NEURL1B: variants seen among roughly 807,000 people sequenced by gnomAD.
NEURL1B encodes the protein neuralized E3 ubiquitin protein ligase 1B.
In NEURL1B, 13 loss-of-function variants were observed where a neutral mutation model predicts 37.4. The observed-to-expected ratio is 0.35, with a 90% CI of 0.23 to 0.55. NEURL1B has a LOEUF of 0.55. Ranked by LOEUF, NEURL1B falls within the 20% of genes least tolerant of loss-of-function variation. NEURL1B has a pLI of 0.89. For synonymous variants in NEURL1B, 432 were observed against 426.6 expected, an observed-to-expected ratio of 1.01 and a Z score of -0.16; for missense variants, 790 against 879.2, an observed-to-expected ratio of 0.90 and a Z score of 1.28.
At chr5:172,649,299 T>C (rs1009782631) in intron 1 of NEURL1B, among the ~76,000 whole-genome samples, 1 of 149,074 alleles carries the variant, frequency 6.7e-6, no homozygotes, top group Non-Finnish European at 1.5e-5. Context: ...TTCCAGGGAA[T>C]GCCTTCCAGC....
At chr5:172,678,877 T>G (rs779109564) in intron 2 of NEURL1B, among the ~76,000 whole-genome samples, 5 of 152,204 alleles carry the variant, frequency 3.3e-5, no homozygotes, top group African/African-American at 4.8e-5. Context: ...ATTTGAGACA[T>G]ACATTTTGCT....
At chr5:172,653,475 A>G (rs1031230471) in intron 1 of NEURL1B, among the ~76,000 whole-genome samples, 1 of 152,218 alleles carries the variant, frequency 6.6e-6, no homozygotes, top group African/African-American at 2.4e-5. Flanking sequence ...ACTCTTTTTA[A>G]CCTTTTATAA....
intron 1 of NEURL1B, among the ~76,000 whole-genome samples, chr5:172,646,641 A>G (rs1757565163): frequency 6.6e-6 from 1 of 152,196 alleles, no homozygotes; most frequent in Non-Finnish European, 1.5e-5. Flanking sequence ...TTAAGGACTC[A>G]AGTTCTAGCA....
In NEURL1B at chr5:172,689,400, T is replaced by G. The variant is rs1758584492; in HGVS notation, c.*2475T>G. Reference sequence around the variant, plus strand: ...GTGAATCCTGTGCGGCAGGTCTTATTGCCATAATAAGTCACATCAAAGACA... The same window carrying G: ...GTGAATCCTGTGCGGCAGGTCTTATGGCCATAATAAGTCACATCAAAGACA... On this transcript the variant is annotated 3_prime_UTR_variant, in exon 5 of 5. Coordinates refer to ENST00000369800, the MANE Select transcript of NEURL1B (RefSeq NM_001142651.3). 1 of 152,182 alleles carries G rather than the reference T, an allele frequency of 6.6e-6. No individual in the cohort carries two copies. 9.4% of individuals were successfully genotyped at this position (152,182 alleles called of 1,614,324 possible).
intron 1 of NEURL1B, among the ~76,000 whole-genome samples, chr5:172,650,891 G>A (rs1483670960): frequency 6.6e-6 from 1 of 152,220 alleles, no homozygotes; most frequent in East Asian, 1.9e-4. Flanking sequence ...TTTGGCGGGA[G>A]TCAGGGCAGA....
chr5:172,646,109 C>T (rs1278688692), intron 1 of NEURL1B, among the ~76,000 whole-genome samples: 3 of 152,144 alleles, frequency 2.0e-5, no homozygotes, highest in Admixed American at 6.5e-5. Context: ...CAGCGGGAGC[C>T]GTTGAGAGTT....
chr5:172,668,498 C>G (rs999890857), intron 1 of NEURL1B, among the ~76,000 whole-genome samples: 1 of 152,178 alleles, frequency 6.6e-6, no homozygotes, highest in African/African-American at 2.4e-5. Context: ...CATTGCCTCT[C>G]CCTCTTCATT....
At position 172,667,693 on chromosome 5, in the gene NEURL1B, T is replaced by C. The variant is rs1357492363; in HGVS notation, c.32-2092T>C. On this transcript the variant is annotated intron_variant, in intron 1 of 4. Coordinates refer to ENST00000369800, the MANE Select transcript of NEURL1B (RefSeq NM_001142651.3). ...CCCTGGAATAATCCAGTAGCTTTGC[T>C]GGCCCCAGCATCCTTGCCACCGCCT... 2.0e-5 allele frequency among the ~76,000 whole-genome samples: 3 copies of C among 152,152 alleles called. No homozygotes were observed. In the East Asian group the frequency reaches 5.8e-4, roughly 29 times the overall value.
At chr5:172,650,098 T>C (rs1372885164) in intron 1 of NEURL1B, among the ~76,000 whole-genome samples, 1 of 152,232 alleles carries the variant, frequency 6.6e-6, no homozygotes, top group Admixed American at 6.5e-5. Flanking sequence ...TCCTCAACAT[T>C]ACACATTGTT....
intron 1 of NEURL1B, among the ~76,000 whole-genome samples, chr5:172,643,038 G>A (rs1757495794): frequency 6.6e-6 from 1 of 152,326 alleles, no homozygotes; most frequent in Non-Finnish European, 1.5e-5. Flanking sequence ...CAGCCCTGGG[G>A]TGCGTAAAGG....
intron 1 of NEURL1B, among the ~76,000 whole-genome samples, chr5:172,663,637 C>A (rs573930299): frequency 6.6e-6 from 1 of 151,640 alleles, no homozygotes; most frequent in South Asian, 2.1e-4. Context: ...TCACAGAAAC[C>A]GCACCTCCCC....
chr5:172,680,770 T>G (rs1476650472), intron 2 of NEURL1B, among the ~76,000 whole-genome samples: 8 of 152,218 alleles, frequency 5.3e-5, no homozygotes, highest in African/African-American at 1.9e-4. Context: ...TGTGTTCAGT[T>G]TTGAATGTTT....
At chr5:172,660,704 G>T (rs1266914694) in intron 1 of NEURL1B, among the ~76,000 whole-genome samples, 1 of 152,030 alleles carries the variant, frequency 6.6e-6, no homozygotes, top group Admixed American at 6.6e-5. Flanking sequence ...GCAGTGGTGC[G>T]ATCTCAGCAC....
chr5:172,686,977 C>T lies in NEURL1B; in HGVS notation c.*52C>T, dbSNP rs1758516207. 1.3e-6 allele frequency: 2 copies of T among 1,512,488 alleles called. No individual in the cohort carries two copies. Among genetic ancestry groups the T allele is most frequent in the Non-Finnish European group, 1.8e-6 (2 of 1,121,836 alleles). The allele number at this position is 1,512,488 out of a possible 1,614,324, so 93.7% of individuals were successfully genotyped here. Reference sequence around the variant, plus strand: ...GTGCAAGGTCACCTTTCTGAAGGCCCCCTGGGCTGGGCAACCACATGGCTG... The same window carrying T: ...GTGCAAGGTCACCTTTCTGAAGGCCTCCTGGGCTGGGCAACCACATGGCTG... On this transcript the variant is annotated 3_prime_UTR_variant, in exon 5 of 5. Coordinates refer to ENST00000369800, the MANE Select transcript of NEURL1B (RefSeq NM_001142651.3). The surrounding 1 kb of genome is among the most constrained non-coding windows in gnomAD (Gnocchi z 7.9).
intron 1 of NEURL1B, among the ~76,000 whole-genome samples, chr5:172,658,249 G>A (rs780236613): frequency 4.6e-5 from 7 of 152,116 alleles, no homozygotes; most frequent in Non-Finnish European, 8.8e-5. Flanking sequence ...CCGCACACAG[G>A]GAGAACACCC....
Position 172,683,481 on chromosome 5 carries a change from C to G in NEURL1B, c.640C>G (p.Leu214Val). ...CAGCCAGGCCCGCTTCAGCGCCTGC[C>G]TGCCGCCCAGCAGCCACGACGCGGC... ...RLSQARFSACLPPSSHDAANF... is the reference protein window; with the variant it reads ...RLSQARFSACVPPSSHDAANF... The change falls in exon 3 of 5, where the codon CTG becomes GTG. Residue 214 changes from leucine (L) to valine (V), a missense_variant. By Grantham distance (32) the Leu-to-Val change is conservative. Around this residue, in one of 3 missense-constraint regions of NEURL1B, gnomAD observed 460 missense variants for 407.4 expected, o/e 1.13. Transcript: ENST00000369800. This position sits in a 1 kb window ranked among gnomAD's most constrained non-coding sequence, Gnocchi z 5.6. 1 of 1,496,398 alleles carries G rather than the reference C, an allele frequency of 6.7e-7. No individual in the cohort carries two copies. The highest frequency in any genetic ancestry group is 8.9e-7 in the Non-Finnish European group (1 of 1,127,838). 92.7% of individuals were successfully genotyped at this position (1,496,398 alleles called of 1,614,324 possible).
At chr5:172,668,805 A>G (rs4868194) in intron 1 of NEURL1B, among the ~76,000 whole-genome samples, 117,034 of 152,082 alleles carry the variant, frequency 0.77, 45,966 homozygotes, top group African/African-American at 0.94. Context: ...AGGATGGGAG[A>G]AGGAAAGGCA....
Position 172,641,375 on chromosome 5 carries a change from GCGCCGCCGCCAA to G in NEURL1B, c.-25_-14del. 7.2e-7 allele frequency: 1 copy of G among 1,380,876 alleles called. No homozygotes were observed. Among genetic ancestry groups the G allele is most frequent in the Non-Finnish European group, 9.4e-7 (1 of 1,067,386 alleles). The allele number at this position is 1,380,876 out of a possible 1,614,324, so 85.5% of individuals were successfully genotyped here. On this transcript the variant is annotated 5_prime_UTR_variant, in exon 1 of 5. Coordinates refer to ENST00000369800, the MANE Select transcript of NEURL1B (RefSeq NM_001142651.3). The surrounding 1 kb of genome is among the most constrained non-coding windows in gnomAD (Gnocchi z 6.4). ...TAATTAGCCTCCGCGCGCCCAGAGC[GCGCCGCCGCCAA>G]CGCCGCGCCCGACGCAGCGATGGGC...
In NEURL1B at chr5:172,683,630, CCGTGAGCGCCCGCGGCCCG is replaced by C; in HGVS notation, c.793_811del (p.Glu265ArgfsTer20). The C allele has an allele frequency of 8.1e-7, 1 of 1,231,014 alleles. No individual in the cohort carries two copies. The highest frequency in any genetic ancestry group is 1.0e-6 in the Non-Finnish European group (1 of 980,754). The allele number at this position is 1,231,014 out of a possible 1,614,324, so 76.3% of individuals were successfully genotyped here. On this transcript the variant is annotated frameshift_variant, in exon 3 of 5. Coordinates refer to ENST00000369800, the MANE Select transcript of NEURL1B (RefSeq NM_001142651.3). LOFTEE classifies it high-confidence loss of function. The surrounding 1 kb of genome is among the most constrained non-coding windows in gnomAD (Gnocchi z 5.6). ...CGGCCGCCGCCATTCCGTGCGGGCC[CCGTGAGCGCCCGCGGCCCG>C]CGTCGTCGCCGGCGCTACTGGAGGC...
Sources: allele counts gnomAD v4.1 joint callset (sites outside exome capture counted in the v4.1 genomes callset), GRCh38; gene constraint gnomAD v4.1.1; regional missense constraint gnomAD v4.1.1; non-coding constraint Gnocchi (gnomAD v3.1); transcripts MANE v1.5; gene names NCBI Gene and HGNC (gene_info 2026-07-23, HGNC 2026-07-21).